Variants in CDH18 observed in about 807,000 individuals in gnomAD.
The protein encoded by CDH18 is cadherin 18, also known as cadherin-18.
Under a neutral mutation model 67.9 loss-of-function variants are expected in CDH18, and 31 were observed. That is an observed-to-expected ratio of 0.46 (90% CI 0.34 to 0.62). The LOEUF (loss-of-function observed/expected upper bound fraction) is 0.62. CDH18 is among the 20% of genes least tolerant of loss of function. The pLI is 0.01. For missense variants in CDH18, 890 were observed against 975.5 expected (o/e 0.91, Z 1.17); for synonymous variants, 362 against 347.2 (o/e 1.04, Z -0.48).
rs59248561 is a variant in CDH18 at position 19,774,808 on chromosome 5, C to CAAAAA, written c.229-27577_229-27573dup. Among the ~76,000 whole-genome samples, 309 of 35,390 alleles carry CAAAAA rather than the reference C, an allele frequency of 8.7e-3. 94 individuals are homozygous for CAAAAA. Among genetic ancestry groups the CAAAAA allele is most frequent in the East Asian group, 0.016 (8 of 502 alleles). The allele number at this position is 35,390 out of a possible 152,430, so 23.2% of individuals were successfully genotyped here. A position where few individuals can be genotyped will look rare whatever the true frequency, so the allele number is the denominator to read the frequency against. ...TGAGTGACAGAGCAAGACTCTGTCT[C>CAAAAA]AAAAAAAAAAAAAAAAAAAAAAAAA... On this transcript the variant is annotated intron_variant, in intron 3 of 12. Transcript: ENST00000382275.
In CDH18 at chr5:19,475,538, A is replaced by C. The variant is rs182347786; in HGVS notation, c.1883-1822T>G. ...GTTGGTTGGAGACCATCTGCAACAC[A>C]CACACACACACACACATACACACAC... On this transcript the variant is annotated intron_variant, in intron 12 of 12. Transcript: ENST00000382275. 6.0e-3 allele frequency among the ~76,000 whole-genome samples: 907 copies of C among 151,580 alleles called. 3 individuals are homozygous for C. Among genetic ancestry groups the C allele is most frequent in the Non-Finnish European group, 9.3e-3 (631 of 67,770 alleles).
chr5:19,867,662 A>T (rs1477197480), intron 2 of CDH18, among the ~76,000 whole-genome samples: 2 of 3,784 alleles, frequency 5.3e-4, no homozygotes, highest in Non-Finnish European at 1.5e-3. Context: ...TTATATATTT[A>T]TATAATATAT....
chr5:19,942,159 G>A lies in CDH18; in HGVS notation c.-257+38901C>T, dbSNP rs967150577. Among the ~76,000 whole-genome samples the A allele has an allele frequency of 1.9e-4, 29 of 152,146 alleles. 1 individual carries two copies. The highest frequency in any genetic ancestry group is 2.5e-4 in the Non-Finnish European group (17 of 68,022). ...ATCAAGATTATGAAGATCTCTGACA[G>A]GGGATGATGTTCCATTCCCAACTAG... On this transcript the variant is annotated intron_variant, in intron 2 of 12. Coordinates refer to ENST00000382275, the MANE Select transcript of CDH18 (RefSeq NM_004934.5).
intron 2 of CDH18, among the ~76,000 whole-genome samples, chr5:20,251,521 T>C (rs980507406): frequency 1.3e-5 from 2 of 152,190 alleles, no homozygotes; most frequent in Admixed American, 6.5e-5. Context: ...GACAAAAAAA[T>C]TGTATTTGCA....
At position 19,720,316 on chromosome 5, in the gene CDH18, A is replaced by G. The variant is rs546467208; in HGVS notation, c.643+1031T>C. ...TTTGTATTAGTTATGTGGCTATGCC[A>G]TTTACTTGGAGATGCCAGATGTTGA... On this transcript the variant is annotated intron_variant, in intron 5 of 12. Coordinates refer to ENST00000382275, the MANE Select transcript of CDH18 (RefSeq NM_004934.5). Among the ~76,000 whole-genome samples, 38 of 152,286 alleles carry G rather than the reference A, an allele frequency of 2.5e-4. No homozygotes were observed. In the South Asian group the frequency reaches 6.8e-3, roughly 27 times the overall value.
intron 4 of CDH18, among the ~76,000 whole-genome samples, chr5:19,723,651 A>G (rs1766412834): frequency 6.6e-6 from 1 of 152,204 alleles, no homozygotes; most frequent in African/African-American, 2.4e-5. Context: ...GCAATTTCTT[A>G]TAAAACTAAA....
chr5:19,916,504 C>T (rs1791809611), intron 2 of CDH18, among the ~76,000 whole-genome samples: 1 of 152,172 alleles, frequency 6.6e-6, no homozygotes, highest in African/African-American at 2.4e-5. Flanking sequence ...CTTCTCCACA[C>T]TTTCTAACCT....
At chr5:20,309,619 A>C (rs1305453001) in intron 1 of CDH18, among the ~76,000 whole-genome samples, 2 of 152,218 alleles carry the variant, frequency 1.3e-5, no homozygotes, top group Non-Finnish European at 2.9e-5. Flanking sequence ...ACACAAAGAA[A>C]TGTAGGCTAG....
chr5:20,497,546 A>G (rs1263885972), intron 1 of CDH18, among the ~76,000 whole-genome samples: 9 of 152,146 alleles, frequency 5.9e-5, no homozygotes, highest in Non-Finnish European at 1.2e-4. Flanking sequence ...TATAATATCT[A>G]GGTTTGTGTA....
chr5:20,242,596 GAAAAAAAA>G (rs376279568), intron 2 of CDH18, among the ~76,000 whole-genome samples: 6 of 77,780 alleles, frequency 7.7e-5, no homozygotes, highest in African/African-American at 4.4e-4. Flanking sequence ...TTCATTGAGG[GAAAAAAAA>G]AAAAAAAATA....
At chr5:20,505,529 A>G (rs1332991188) in intron 1 of CDH18, among the ~76,000 whole-genome samples, 1 of 152,222 alleles carries the variant, frequency 6.6e-6, no homozygotes, top group Non-Finnish European at 1.5e-5. Flanking sequence ...TTCATATACA[A>G]CATTGCTAAC....
In CDH18 at chr5:20,080,684, G is replaced by A. The variant is rs983104399; in HGVS notation, c.-517-88670C>T. On this transcript the variant is annotated intron_variant, in intron 2 of 14. Transcript: ENST00000507958. ...GAAAGTAGTAAAACAAACTATAATT[G>A]TCCATTTTATAGAAAGAAAAAAGAA... 2.0e-5 allele frequency among the ~76,000 whole-genome samples: 3 copies of A among 151,356 alleles called. No homozygotes were observed. In the East Asian group the frequency reaches 5.9e-4, roughly 30 times the overall value.
At chr5:20,435,771 G>A (rs1749122287) in intron 1 of CDH18, among the ~76,000 whole-genome samples, 1 of 152,020 alleles carries the variant, frequency 6.6e-6, no homozygotes, top group African/African-American at 2.4e-5. Flanking sequence ...CACTTTTTAA[G>A]ATACTTAACT....
intron 5 of CDH18, among the ~76,000 whole-genome samples, chr5:19,685,869 A>T (rs533385985): frequency 6.6e-6 from 1 of 152,254 alleles, no homozygotes; most frequent in East Asian, 1.9e-4. Context: ...ATCACACAGG[A>T]TATTTTTAAG....
At chr5:20,084,970 CT>C (rs886676152) in intron 2 of CDH18, among the ~76,000 whole-genome samples, 1 of 152,154 alleles carries the variant, frequency 6.6e-6, no homozygotes, top group African/African-American at 2.4e-5. Flanking sequence ...TCCACATTGT[CT>C]TGGGGATTAA....
intron 2 of CDH18, among the ~76,000 whole-genome samples, chr5:20,252,998 A>G (rs1743975810): frequency 6.6e-6 from 1 of 152,196 alleles, no homozygotes; most frequent in African/African-American, 2.4e-5. Context: ...AATAGGTTAA[A>G]TAATATTCCT....
chr5:19,980,559 C>A (rs142151206), intron 2 of CDH18, among the ~76,000 whole-genome samples: 7 of 152,122 alleles, frequency 4.6e-5, no homozygotes, highest in Admixed American at 4.6e-4. Context: ...GGCTTCAAGA[C>A]AGTCACTCAC....
intron 9 of CDH18, among the ~76,000 whole-genome samples, chr5:19,533,462 C>G (rs1206827691): frequency 6.6e-6 from 1 of 151,952 alleles, no homozygotes; most frequent in African/African-American, 2.4e-5. Context: ...GCTTTTCAGT[C>G]AAAAGAATGA....
chr5:19,604,839 T>C (rs1270855196), intron 6 of CDH18, among the ~76,000 whole-genome samples: 2 of 152,014 alleles, frequency 1.3e-5, no homozygotes, highest in Non-Finnish European at 2.9e-5. Flanking sequence ...CTGATTATTC[T>C]ATAGAAAGTT....
Sources: gnomAD v4.1 joint callset for allele counts (sites outside exome capture counted in the v4.1 genomes callset) on GRCh38, gnomAD v4.1.1 for gene constraint, MANE v1.5 for transcripts, NCBI Gene and HGNC (gene_info 2026-07-23, HGNC 2026-07-21) for gene names.